Variants in DST observed in about 807,000 individuals in gnomAD.
DST encodes the protein dystonin, also known as bullous pemphigoid antigen.
DST carries 253 observed loss-of-function variants against 875.2 expected under a neutral mutation model. The observed-to-expected ratio is 0.29, with a 90% CI of 0.26 to 0.32. The LOEUF (loss-of-function observed/expected upper bound fraction) is 0.32, where lower values mean the gene tolerates loss of function less well. Ranked by LOEUF, DST falls within the 10% of genes least tolerant of loss-of-function variation. The pLI is 1.00. For missense variants in DST, 8,287 were observed against 9,111.6 expected (o/e 0.91, Z 3.68); for synonymous variants, 3,124 against 3,197.1 (o/e 0.98, Z 0.77).
intron 2 of DST, among the ~76,000 whole-genome samples, chr6:56,903,391 C>T (rs902603903): frequency 2.0e-5 from 3 of 152,194 alleles, no homozygotes; most frequent in African/African-American, 7.2e-5. Context: ...GAATTCACAT[C>T]CCTGTATCTA....
chr6:56,578,502 C>T (rs1262461555), intron 50 of DST, among the ~76,000 whole-genome samples: 3 of 152,194 alleles, frequency 2.0e-5, no homozygotes, highest in Non-Finnish European at 4.4e-5. Flanking sequence ...TGCCCAATCC[C>T]ATCAACCAAG....
At chr6:56,690,103 T>C (rs894708621) in intron 9 of DST, among the ~76,000 whole-genome samples, 3 of 152,218 alleles carry the variant, frequency 2.0e-5, no homozygotes, top group African/African-American at 7.2e-5. Context: ...TTTAGCAATC[T>C]CCCTTAAATT....
chr6:56,689,497 C>G (rs1402402548), intron 9 of DST, among the ~76,000 whole-genome samples: 1 of 152,130 alleles, frequency 6.6e-6, no homozygotes, highest in Admixed American at 6.6e-5. Flanking sequence ...AAAACATATA[C>G]AATACTGTCT....
chr6:56,633,171 C>G, intron 27 of DST, 134 bp from the exon 28 acceptor site: 1 of 731,544 alleles, frequency 1.4e-6, no homozygotes, highest in Non-Finnish European at 2.3e-6. Context: ...AATTAACTGT[C>G]TTTTTCATTA....
intron 2 of DST, among the ~76,000 whole-genome samples, chr6:56,939,470 T>C (rs1379028921): frequency 1.3e-5 from 2 of 152,022 alleles, no homozygotes; most frequent in Non-Finnish European, 2.9e-5. Flanking sequence ...GGAGGAAGGA[T>C]GGTTGGATGA....
At position 56,535,115 on chromosome 6, in the gene DST, A is replaced by G. The variant is rs1394847703; in HGVS notation, c.16941+7T>C. 1 of 1,611,762 alleles carries G rather than the reference A, an allele frequency of 6.2e-7. No individual in the cohort carries two copies. The highest frequency in any genetic ancestry group is 1.1e-5 in the South Asian group (1 of 90,300). ...TGAAACGCAATACAAAAGCATGACT[A>G]ACTTACCTTTTGTTCTTGTATCTGG... is the stretch of plus-strand genomic sequence containing the variant. On this transcript the variant is annotated splice_region_variant and intron_variant, in intron 63 of 103. Transcript: ENST00000680361.
intron 3 of DST, 167 bp from the exon 4 acceptor site, chr6:56,851,771 T>C: frequency 6.4e-7 from 1 of 1,551,492 alleles, no homozygotes; most frequent in Non-Finnish European, 8.7e-7. Context: ...ACCAAAAAAA[T>C]AAAACCCGGA....
At chr6:56,478,475 T>C (rs1362036521) in intron 90 of DST, among the ~76,000 whole-genome samples, 1 of 152,224 alleles carries the variant, frequency 6.6e-6, no homozygotes, top group Non-Finnish European at 1.5e-5. Context: ...AACAAAGCCT[T>C]GACATCCTCA....
In DST at chr6:56,728,864, G is replaced by C. The variant is rs551670901; in HGVS notation, c.687+6364C>G. ...ATAAATTTATGAAGTTGCTAACTGT[G>C]TGGTCCAAAACAGAATAACCCTATT... On this transcript the variant is annotated intron_variant, in intron 5 of 103. Coordinates refer to ENST00000680361, the MANE Select transcript of DST (RefSeq NM_001374736.1). Among the ~76,000 whole-genome samples, 5 of 152,102 alleles carry C rather than the reference G, an allele frequency of 3.3e-5. No homozygotes were observed. In the East Asian group the frequency reaches 5.8e-4, roughly 18 times the overall value.
At chr6:56,628,265 A>G (rs925620911) in intron 32 of DST, 104 bp from the exon 33 acceptor site, 2 of 1,020,338 alleles carry the variant, frequency 2.0e-6, no homozygotes, top group East Asian at 4.8e-5. Context: ...GCAATGAACT[A>G]AGCACAAGAC....
intron 50 of DST, among the ~76,000 whole-genome samples, chr6:56,576,710 G>T (rs1030798039): frequency 6.6e-6 from 1 of 152,080 alleles, no homozygotes; most frequent in South Asian, 2.1e-4. Context: ...GGTAGAGCCC[G>T]TGTGAATGGG....
At chr6:56,843,672 A>G in intron 4 of DST, 1 of 980,834 alleles carries the variant, frequency 1.0e-6, no homozygotes, top group Non-Finnish European at 1.2e-6. Context: ...GCCGCGCCGC[A>G]GACACTCGCC....
At chr6:56,918,122 CT>C (rs1194856901) in intron 2 of DST, among the ~76,000 whole-genome samples, 7 of 140,650 alleles carry the variant, frequency 5.0e-5, no homozygotes, top group South Asian at 2.2e-4. Context: ...GGTGTACATT[CT>C]TTTTTTTTTC....
At position 56,603,653 on chromosome 6, in the gene DST, A is replaced by T. The variant is rs1261297854; in HGVS notation, c.10852T>A (p.Leu3618Met). Reference sequence around the variant, plus strand: ...AAGGGGGGTTTCATATCTTGAAGCAATGTCAAATACTCATGCATTTTTTCA... The same window carrying T: ...AAGGGGGGTTTCATATCTTGAAGCATTGTCAAATACTCATGCATTTTTTCA... ...HTEKMHEYLT[L>M]LQDMKPPLDN... The change falls in exon 41 of 104, where the codon TTG (leucine) becomes ATG (methionine). Residue 3618 changes from leucine (L) to methionine (M), a missense_variant. Around this residue, in one of 10 missense-constraint regions of DST, gnomAD observed 3,138 missense variants for 3,116.6 expected, o/e 1.01. Coordinates refer to ENST00000680361, the MANE Select transcript of DST (RefSeq NM_001374736.1). 1 of 1,611,114 alleles carries T rather than the reference A, an allele frequency of 6.2e-7. No individual in the cohort carries two copies. The highest frequency in any genetic ancestry group is 1.1e-5 in the South Asian group (1 of 90,920).
chr6:56,819,023 A>C (rs1232496013), intron 4 of DST, among the ~76,000 whole-genome samples: 1 of 152,172 alleles, frequency 6.6e-6, no homozygotes, highest in Non-Finnish European at 1.5e-5. Flanking sequence ...TCTTCAGAAA[A>C]AAAATACTAC....
At chr6:56,504,634 T>G (rs2096253132) in intron 77 of DST, among the ~76,000 whole-genome samples, 2 of 152,170 alleles carry the variant, frequency 1.3e-5, no homozygotes, top group Admixed American at 6.6e-5. Flanking sequence ...CTCCTGCATT[T>G]CTTATTTATT....
At chr6:56,614,802 TGCATTA>T in intron 36 of DST, 1 of 1,013,198 alleles carries the variant, frequency 9.9e-7, no homozygotes, top group Non-Finnish European at 1.2e-6. Flanking sequence ...TTGCTGCCTT[TGCATTA>T]GCATTACAAT....
intron 3 of DST, among the ~76,000 whole-genome samples, chr6:56,853,663 T>C (rs895221291): frequency 3.3e-4 from 50 of 152,202 alleles, no homozygotes; most frequent in African/African-American, 1.1e-3. Flanking sequence ...CCACTGGTTA[T>C]TGATTTTTGT....
chr6:56,662,033 G>A (rs985150289), intron 10 of DST, among the ~76,000 whole-genome samples: 4 of 151,936 alleles, frequency 2.6e-5, no homozygotes, highest in African/African-American at 9.7e-5. Flanking sequence ...ATTTCATCAC[G>A]GGCACATCTT....
Sources: gnomAD v4.1 joint callset for allele counts (sites outside exome capture counted in the v4.1 genomes callset) on GRCh38, gnomAD v4.1.1 for gene constraint, gnomAD v4.1.1 regional missense constraint, MANE v1.5 for transcripts, NCBI Gene and HGNC (gene_info 2026-07-23, HGNC 2026-07-21) for gene names.